Variants in IBTK observed in about 807,000 individuals in gnomAD.
IBTK encodes BTK-binding protein.
IBTK carries 83 observed loss-of-function variants against 154.9 expected under a neutral mutation model. That is an observed-to-expected ratio of 0.54 (90% CI 0.45 to 0.64). The LOEUF is 0.64. Among genes scored for constraint, IBTK ranks in the 30% least tolerant of loss-of-function variants. The pLI is 0.00. For synonymous variants in IBTK, 515 were observed against 536.1 expected (o/e 0.96, Z 0.54); for missense variants, 1,332 against 1,584.6 (o/e 0.84, Z 2.71).
Position 82,210,884 on chromosome 6 carries a change from C to A in IBTK, c.2439G>T (p.Met813Ile). 1 of 1,573,300 alleles carries A rather than the reference C, an allele frequency of 6.4e-7. No individual in the cohort carries two copies. ...IEASSCAALE[M>I]PIHSDILKVI... ...CTTTTAATATATCAGAATGTATTGG[C>A]ATTTCCAGAGCTGCACAACTGGAAG... Residue 813 changes from methionine (M) to isoleucine (I), a missense_variant, in exon 16 of 29, where the codon ATG becomes ATT. By Grantham distance (10) the Met-to-Ile change is conservative (BLOSUM62 1). Transcript: ENST00000306270.
chr6:82,226,690 T>C (rs571055468), intron 5 of IBTK, among the ~76,000 whole-genome samples: 1 of 151,222 alleles, frequency 6.6e-6, no homozygotes, highest in South Asian at 2.1e-4. Context: ...CACCGCAACC[T>C]CCGCCTCCCA....
intron 16 of IBTK, among the ~76,000 whole-genome samples, chr6:82,208,777 C>T (rs7746401): frequency 1.7e-4 from 26 of 151,864 alleles, no homozygotes; most frequent in Non-Finnish European, 2.9e-4. Context: ...TTGTTTTAAA[C>T]GACACTTCAT....
chr6:82,225,053 A>C (rs1770241927), intron 6 of IBTK, among the ~76,000 whole-genome samples: 8 of 152,074 alleles, frequency 5.3e-5, no homozygotes, highest in Admixed American at 5.2e-4. Context: ...TAATCCCAGC[A>C]CTTTGGGAGG....
At chr6:82,188,983 T>C (rs1192561447) in intron 25 of IBTK, 1 of 423,220 alleles carries the variant, frequency 2.4e-6, no homozygotes, top group Non-Finnish European at 4.6e-6. Flanking sequence ...TGAACCAAGA[T>C]CGCACCACTG....
At chr6:82,175,674 A>C (rs538428826) in intron 26 of IBTK, among the ~76,000 whole-genome samples, 11 of 152,370 alleles carry the variant, frequency 7.2e-5, no homozygotes, top group African/African-American at 2.6e-4. Flanking sequence ...CAATCTGTAG[A>C]AAATTTAGCC....
At chr6:82,246,702 G>A (rs1229067019) in intron 1 of IBTK, among the ~76,000 whole-genome samples, 1 of 152,042 alleles carries the variant, frequency 6.6e-6, no homozygotes, top group East Asian at 1.9e-4. Context: ...CATCTACCTT[G>A]CCTCAATTTC....
intron 1 of IBTK, among the ~76,000 whole-genome samples, chr6:82,245,614 G>A (rs1771113219): frequency 6.6e-6 from 1 of 152,100 alleles, no homozygotes; most frequent in African/African-American, 2.4e-5. Flanking sequence ...GAGCACATTT[G>A]AAGCAGAAGG....
intron 26 of IBTK, among the ~76,000 whole-genome samples, chr6:82,180,688 G>A (rs1279967374): frequency 1.3e-5 from 2 of 152,090 alleles, no homozygotes; most frequent in Non-Finnish European, 2.9e-5. Flanking sequence ...CTAAATCTAA[G>A]TATCTGTAAA....
In IBTK at chr6:82,176,494, C is replaced by T. The variant is rs1768120271; in HGVS notation, c.3726-3056G>A. Among the ~76,000 whole-genome samples, 4 of 139,864 alleles carry T rather than the reference C, an allele frequency of 2.9e-5. No homozygotes were observed. The Admixed American group carries it at 3.1e-4, about 11-fold the overall frequency. The allele number at this position is 139,864 out of a possible 152,430, so 91.8% of individuals were successfully genotyped here. On this transcript the variant is annotated intron_variant, in intron 26 of 28. Coordinates refer to ENST00000306270, the MANE Select transcript of IBTK (RefSeq NM_015525.4). ...GGAGATCACGCCATTGCACTCCATC[C>T]TGGGTGACAAGAGCGAGAGTCCGTC...
intron 12 of IBTK, among the ~76,000 whole-genome samples, chr6:82,213,960 T>C (rs1240671003): frequency 1.3e-5 from 2 of 151,906 alleles, no homozygotes; most frequent in Non-Finnish European, 2.9e-5. Context: ...GGTGGGATTT[T>C]TTTTTTTTTC....
At chr6:82,195,225 A>T (rs1768935477) in intron 22 of IBTK, among the ~76,000 whole-genome samples, 2 of 152,254 alleles carry the variant, frequency 1.3e-5, no homozygotes, top group Non-Finnish European at 2.9e-5. Context: ...ATTGTCTTAC[A>T]GACCAACCTT....
intron 25 of IBTK, among the ~76,000 whole-genome samples, chr6:82,185,575 C>T (rs111737908): frequency 1.3e-5 from 2 of 150,164 alleles, no homozygotes; most frequent in East Asian, 1.9e-4. Flanking sequence ...CCAATGCATA[C>T]GAGATATGTT....
In IBTK at chr6:82,223,314, G is replaced by T. The variant is rs1770166332; in HGVS notation, c.1124+126C>A. On this transcript the variant is annotated intron_variant, in intron 8 of 28. Transcript: ENST00000306270. ...AAAATCAAAGACAAAAATTCCTGAT[G>T]TTTTTCCTCATTCAATTTTTTCCAT... is the stretch of plus-strand genomic sequence containing the variant. The T allele has an allele frequency of 5.9e-6, 4 of 676,194 alleles. No individual in the cohort carries two copies. The South Asian group carries it at 1.7e-4, about 29-fold the overall frequency. 41.9% of individuals were successfully genotyped at this position (676,194 alleles called of 1,614,324 possible).
chr6:82,172,323 C>T (rs1362096030), intron 28 of IBTK, 57 bp downstream of exon 28: 5 of 1,536,014 alleles, frequency 3.3e-6, no homozygotes, highest in Non-Finnish European at 4.4e-6. Flanking sequence ...TTTCTTAAAA[C>T]CTAAGTAGGA....
chr6:82,244,472 G>A (rs921814849), intron 1 of IBTK, among the ~76,000 whole-genome samples: 1 of 152,120 alleles, frequency 6.6e-6, no homozygotes, highest in South Asian at 2.1e-4. Flanking sequence ...TTTAAGCATG[G>A]GCTCTCTCTC....
intron 1 of IBTK, among the ~76,000 whole-genome samples, chr6:82,241,304 A>C (rs1394604823): frequency 2.0e-5 from 3 of 152,052 alleles, no homozygotes; most frequent in Non-Finnish European, 4.4e-5. Context: ...CCATCTTTCT[A>C]AGAATCCCAT....
intron 20 of IBTK, 31 bp downstream of exon 20, chr6:82,200,556 G>T: frequency 6.9e-7 from 1 of 1,454,868 alleles, no homozygotes; most frequent in Non-Finnish European, 9.1e-7. Flanking sequence ...AGAAAAGGAG[G>T]AAAAGAAAAA....
Position 82,240,863 on chromosome 6 carries a change from G to C in IBTK, c.-357-20C>G, listed in dbSNP as rs1332894406. 4 of 404,038 alleles carry C rather than the reference G, an allele frequency of 9.9e-6. No individual in the cohort carries two copies. Among genetic ancestry groups the C allele is most frequent in the Non-Finnish European group, 1.7e-5 (4 of 229,832 alleles). 25.0% of individuals were successfully genotyped at this position (404,038 alleles called of 1,614,324 possible). On this transcript the variant is annotated intron_variant, in intron 1 of 28. Transcript: ENST00000306270. ...GGTGACCTATAAGAGAAAGAGAAGA[G>C]AAAATAAAAATTCAAAATCTGTCTC...
intron 23 of IBTK, among the ~76,000 whole-genome samples, chr6:82,193,295 T>TAATCTATGCTAATCTA (rs1768850483): frequency 6.6e-6 from 1 of 152,176 alleles, no homozygotes; most frequent in Non-Finnish European, 1.5e-5. Flanking sequence ...AGCATAGTAC[T>TAATCTATGCTAATCTA]GAAATAGCCT....
Sources: gnomAD v4.1 joint callset for allele counts (sites outside exome capture counted in the v4.1 genomes callset) on GRCh38, gnomAD v4.1.1 for gene constraint, MANE v1.5 for transcripts, NCBI Gene and HGNC (gene_info 2026-07-23, HGNC 2026-07-21) for gene names.